RANBP17: variants seen among roughly 807,000 people sequenced by gnomAD.
RANBP17 encodes the protein RAN binding protein 17, also known as ran-binding protein 17.
In RANBP17, 158 loss-of-function variants were observed where a neutral mutation model predicts 141.2. The ratio of observed to expected loss-of-function variants is 1.12; its 90% CI spans 0.98 to 1.28. RANBP17 has a LOEUF of 1.28. Ranked by LOEUF, RANBP17 falls within the 50% of genes most tolerant of loss-of-function variation. The probability of loss-of-function intolerance (pLI) is 0.00; values close to 1 mark genes in which losing one functional copy is unlikely to be tolerated. For missense variants in RANBP17, 1,438 were observed against 1,290.7 expected, an observed-to-expected ratio of 1.11 and a Z score of -1.75; for synonymous variants, 430 against 450.0, an observed-to-expected ratio of 0.96 and a Z score of 0.56.
chr5:170,880,627 A>G (rs1768579934), intron 2 of RANBP17, among the ~76,000 whole-genome samples: 1 of 152,092 alleles, frequency 6.6e-6, no homozygotes, highest in Admixed American at 6.6e-5. Flanking sequence ...TTGTGATGGG[A>G]ATATTGGGGA....
intron 25 of RANBP17, among the ~76,000 whole-genome samples, chr5:171,267,702 G>A (rs1033126438): frequency 1.3e-5 from 2 of 152,088 alleles, no homozygotes; most frequent in Non-Finnish European, 1.5e-5. Flanking sequence ...AGCTATGTGG[G>A]AGGCTGAGGC....
chr5:171,139,183 T>C (rs1348624674), intron 14 of RANBP17, among the ~76,000 whole-genome samples: 1 of 152,110 alleles, frequency 6.6e-6, no homozygotes, highest in South Asian at 2.1e-4. Flanking sequence ...TTTAAAAAAA[T>C]AGGCAGCAAC....
chr5:171,173,410 T>C (rs1416719603), intron 16 of RANBP17, among the ~76,000 whole-genome samples: 1 of 152,016 alleles, frequency 6.6e-6, no homozygotes, highest in Admixed American at 6.6e-5. Context: ...ATTCAAAATA[T>C]TTTTATTTAA....
chr5:170,867,347 A>G (rs1224905750), intron 1 of RANBP17, among the ~76,000 whole-genome samples: 1 of 152,218 alleles, frequency 6.6e-6, no homozygotes, highest in South Asian at 2.1e-4. Flanking sequence ...GAATAAATAT[A>G]CTGAAAATAC....
chr5:170,899,025 A>G (rs967068040), intron 5 of RANBP17, among the ~76,000 whole-genome samples: 1 of 152,116 alleles, frequency 6.6e-6, no homozygotes, highest in Admixed American at 6.5e-5. Context: ...TTCCATATGA[A>G]ATTTAAAGTA....
intron 14 of RANBP17, among the ~76,000 whole-genome samples, chr5:170,981,251 G>T (rs1428680860): frequency 2.4e-5 from 2 of 81,974 alleles, no homozygotes; most frequent in Non-Finnish European, 5.6e-5. Context: ...ATGAGACTAT[G>T]GACTGTGGAC....
intron 25 of RANBP17, among the ~76,000 whole-genome samples, chr5:171,272,913 C>CT (rs1767214500): frequency 6.6e-6 from 1 of 152,184 alleles, no homozygotes; most frequent in Non-Finnish European, 1.5e-5. Context: ...CAAGCTTCCA[C>CT]TTTCTTACGC....
rs764017963 is a variant in RANBP17 at position 170,953,609 on chromosome 5, G to C, written c.1481G>C (p.Trp494Ser). 1.9e-6 allele frequency: 3 copies of C among 1,607,852 alleles called. No homozygotes were observed. In the African/African-American group the frequency reaches 4.0e-5, roughly 22 times the overall value. The part of the protein sequence containing the change: ...DITIQEGRLA[W>S]LVYLVGTVVG... ...TATTCTATATTAGGACGTCTTGCAT[G>C]GCTGGTATACTTAGTTGGGACAGTT... The change falls in exon 13 of 28, where the codon TGG (tryptophan) becomes TCG (serine). Residue 494 changes from tryptophan (W) to serine (S), a missense_variant. Trp to Ser is a radical substitution (Grantham distance 177). Transcript: ENST00000523189.
At chr5:171,066,799 C>T (rs200344493) in intron 14 of RANBP17, among the ~76,000 whole-genome samples, 3 of 152,224 alleles carry the variant, frequency 2.0e-5, no homozygotes, top group South Asian at 2.1e-4. Flanking sequence ...AGTGTGCAAA[C>T]GTTCCCAGAT....
At chr5:171,012,284 T>C (rs1780112015) in intron 14 of RANBP17, among the ~76,000 whole-genome samples, 1 of 152,118 alleles carries the variant, frequency 6.6e-6, no homozygotes, top group African/African-American at 2.4e-5. Context: ...ATGGTTATCC[T>C]GGAGATACTG....
intron 14 of RANBP17, among the ~76,000 whole-genome samples, chr5:171,049,805 T>A (rs937387054): frequency 6.6e-5 from 10 of 152,214 alleles, no homozygotes; most frequent in Admixed American, 6.5e-4. Context: ...TTCTGCACAC[T>A]CTTTTTTGTT....
intron 14 of RANBP17, among the ~76,000 whole-genome samples, chr5:171,058,326 A>C (rs1172684625): frequency 2.2e-5 from 2 of 88,910 alleles, no homozygotes; most frequent in African/African-American, 4.7e-5. Flanking sequence ...CCCACCCCAC[A>C]ACAGTCCCCA....
intron 3 of RANBP17, among the ~76,000 whole-genome samples, chr5:170,890,902 C>T (rs996891245): frequency 3.3e-5 from 5 of 152,160 alleles, no homozygotes; most frequent in African/African-American, 1.2e-4. Context: ...CGGGATCTCA[C>T]TCTGTCACCC....
chr5:171,183,161 T>C lies in RANBP17; in HGVS notation c.1866-6T>C. On this transcript the variant is annotated splice_region_variant and splice_polypyrimidine_tract_variant and intron_variant, in intron 16 of 27. Coordinates refer to ENST00000523189, the MANE Select transcript of RANBP17 (RefSeq NM_022897.5). ...ATATTTCCTTAGATTCCTTAACTTC[T>C]ATTACTTATATCCTTTTAAAAAAAC... 1.4e-6 allele frequency: 2 copies of C among 1,432,330 alleles called. No individual in the cohort carries two copies. The highest frequency in any genetic ancestry group is 2.0e-6 in the Non-Finnish European group (2 of 1,015,820). 88.7% of individuals were successfully genotyped at this position (1,432,330 alleles called of 1,614,324 possible).
At chr5:170,884,433 C>G (rs1768976703) in intron 3 of RANBP17, among the ~76,000 whole-genome samples, 1 of 151,790 alleles carries the variant, frequency 6.6e-6, no homozygotes, top group South Asian at 2.1e-4. Flanking sequence ...TGTGAATAAG[C>G]TAGAGAAAAG....
At chr5:171,061,529 G>A (rs1024123948) in intron 14 of RANBP17, among the ~76,000 whole-genome samples, 62 of 152,224 alleles carry the variant, frequency 4.1e-4, no homozygotes, top group African/African-American at 1.4e-3. Flanking sequence ...CTGAGAGACA[G>A]TTTGTTATAA....
In RANBP17 at chr5:171,183,302, T is replaced by C; in HGVS notation, c.1930-20T>C. On this transcript the variant is annotated intron_variant, in intron 17 of 27. Transcript: ENST00000523189. ...GAGGTAAAGTGTTAGTAACTTGGAT[T>C]ACTCTTTTGCTTTCATTAGAGTGAA... 6.3e-7 allele frequency: 1 copy of C among 1,594,288 alleles called. No individual in the cohort carries two copies. The highest frequency in any genetic ancestry group is 8.6e-7 in the Non-Finnish European group (1 of 1,161,982).
chr5:170,871,769 A>G (rs762387135), intron 1 of RANBP17, among the ~76,000 whole-genome samples: 3 of 152,208 alleles, frequency 2.0e-5, no homozygotes, highest in Non-Finnish European at 4.4e-5. Context: ...CATCTATTAA[A>G]TAGGGAATTC....
intron 14 of RANBP17, among the ~76,000 whole-genome samples, chr5:171,053,405 C>T (rs907598737): frequency 1.3e-5 from 2 of 152,028 alleles, no homozygotes; most frequent in African/African-American, 4.8e-5. Context: ...TTTTTCTGCC[C>T]ATGTAGAATT....
Sources: allele counts gnomAD v4.1 joint callset (sites outside exome capture counted in the v4.1 genomes callset), GRCh38; gene constraint gnomAD v4.1.1; transcripts MANE v1.5; gene names NCBI Gene and HGNC (gene_info 2026-07-23, HGNC 2026-07-21).